The following HPCAL1 variants were observed in gnomAD, a reference collection of about 807,000 sequenced individuals.
HPCAL1 encodes hippocalcin-like protein 1.
Under a neutral mutation model 17.1 loss-of-function variants are expected in HPCAL1, and 8 were observed. That is an observed-to-expected ratio of 0.47 (90% CI 0.27 to 0.84). The LOEUF (loss-of-function observed/expected upper bound fraction) is 0.84. HPCAL1 is among the 40% of genes least tolerant of loss of function. The pLI, the probability that HPCAL1 is intolerant of heterozygous loss-of-function variation, is 0.13. For missense variants in HPCAL1, 165 were observed against 271.1 expected, an observed-to-expected ratio of 0.61 and a Z score of 2.75; for synonymous variants, 112 against 111.4, an observed-to-expected ratio of 1.01 and a Z score of -0.03.
At chr2:10,423,143 A>G (rs764146655) in intron 4 of HPCAL1, 55 bp downstream of exon 4, 27 of 1,361,990 alleles carry the variant, frequency 2.0e-5, no homozygotes, top group Non-Finnish European at 2.8e-5. Context: ...GGGCAAAACC[A>G]TGTGGTTTGG....
chr2:10,346,048 C>CTGTGTA (rs1288335994), intron 1 of HPCAL1, among the ~76,000 whole-genome samples: 1 of 151,874 alleles, frequency 6.6e-6, no homozygotes, highest in Non-Finnish European at 1.5e-5. Context: ...GTGTGTGTGT[C>CTGTGTA]TGTGTATGTG....
chr2:10,313,779 T>G (rs1480522819), intron 1 of HPCAL1, among the ~76,000 whole-genome samples: 1 of 152,222 alleles, frequency 6.6e-6, no homozygotes, highest in Non-Finnish European at 1.5e-5. Flanking sequence ...ACTTGCATTG[T>G]AGGTACATCC....
At chr2:10,322,636 G>A (rs1036734111) in intron 1 of HPCAL1, among the ~76,000 whole-genome samples, 1 of 152,210 alleles carries the variant, frequency 6.6e-6, no homozygotes, top group African/African-American at 2.4e-5. Flanking sequence ...TTTGACCCAT[G>A]CATCTTCTTC....
chr2:10,401,607 G>A (rs1311850130), intron 2 of HPCAL1, among the ~76,000 whole-genome samples: 1 of 152,124 alleles, frequency 6.6e-6, no homozygotes, highest in Non-Finnish European at 1.5e-5. Flanking sequence ...TAGATCACCC[G>A]GACCTTCTCT....
At position 10,423,127 on chromosome 2, in the gene HPCAL1, C is replaced by T. The variant is rs199600766; in HGVS notation, c.484+39C>T. The T allele has an allele frequency of 7.7e-4, 1,113 of 1,450,418 alleles. 2 individuals are homozygous for T. The highest frequency in any genetic ancestry group is 9.0e-4 in the Non-Finnish European group (930 of 1,032,772). 89.8% of individuals were successfully genotyped at this position (1,450,418 alleles called of 1,614,324 possible). On this transcript the variant is annotated intron_variant, in intron 4 of 4. Coordinates refer to ENST00000307845, the MANE Select transcript of HPCAL1 (RefSeq NM_002149.4). ...GGGGCGGGGCTGCATGTGTACGCCACGGTAGGGGCAAAACCATGTGGTTTG... is the reference window on the plus strand; with the variant it reads ...GGGGCGGGGCTGCATGTGTACGCCATGGTAGGGGCAAAACCATGTGGTTTG...
intron 2 of HPCAL1, among the ~76,000 whole-genome samples, chr2:10,398,120 G>A (rs765605998): frequency 6.6e-6 from 1 of 152,206 alleles, no homozygotes; most frequent in South Asian, 2.1e-4. Flanking sequence ...TGCATACTGT[G>A]AGCATCAGTT....
chr2:10,334,169 G>A (rs1664559482), intron 1 of HPCAL1, among the ~76,000 whole-genome samples: 1 of 152,174 alleles, frequency 6.6e-6, no homozygotes, highest in African/African-American at 2.4e-5. Context: ...CAAAACATTA[G>A]TTTTTATGTG....
At chr2:10,426,658 C>T (rs966352244) in intron 4 of HPCAL1, 66 bp from the exon 5 acceptor site, 2 of 1,290,542 alleles carry the variant, frequency 1.5e-6, no homozygotes, top group Middle Eastern at 1.8e-4. Flanking sequence ...GAGCTGTCCC[C>T]ATCCTCTCTG....
intron 2 of HPCAL1, among the ~76,000 whole-genome samples, chr2:10,418,841 C>A (rs1157356299): frequency 6.6e-6 from 1 of 152,110 alleles, no homozygotes; most frequent in Non-Finnish European, 1.5e-5. Context: ...TCCCTGGTTC[C>A]ATTCAGAACA....
At chr2:10,415,608 G>A (rs1236410294) in intron 2 of HPCAL1, among the ~76,000 whole-genome samples, 1 of 152,020 alleles carries the variant, frequency 6.6e-6, no homozygotes, top group Non-Finnish European at 1.5e-5. Context: ...TGACACACAG[G>A]AAGTTCTGGA....
intron 1 of HPCAL1, among the ~76,000 whole-genome samples, chr2:10,366,662 G>A (rs1452722452): frequency 6.6e-6 from 1 of 152,160 alleles, no homozygotes; most frequent in East Asian, 1.9e-4. Context: ...GCCATGATCC[G>A]ACTCCCGCCC....
chr2:10,335,109 CG>C (rs1234907575), intron 1 of HPCAL1, among the ~76,000 whole-genome samples: 1 of 152,162 alleles, frequency 6.6e-6, no homozygotes, highest in Non-Finnish European at 1.5e-5. Context: ...TCTAAGATGC[CG>C]CCACTGGTCC....
intron 4 of HPCAL1, chr2:10,424,508 T>C (rs1558538716): frequency 2.1e-6 from 1 of 471,014 alleles, no homozygotes; most frequent in East Asian, 6.9e-5. Context: ...TAATGGCTGT[T>C]GTTCCCAACT....
chr2:10,388,313 T>A (rs116743496), intron 1 of HPCAL1, among the ~76,000 whole-genome samples: 4,227 of 152,292 alleles, frequency 0.028, 70 homozygotes, highest in Non-Finnish European at 0.041. Flanking sequence ...GGTGCCTCAG[T>A]GCCTCAGATG....
rs749406959 is a variant in HPCAL1 at position 10,426,832 on chromosome 2, C to T, written c.*11C>T. Reference sequence around the variant, plus strand: ...GCCAGTCAGTTCTGAGCGAGCGGCCCCTGGACAGTTGCAGAGAAACACAGG... The same window carrying T: ...GCCAGTCAGTTCTGAGCGAGCGGCCTCTGGACAGTTGCAGAGAAACACAGG... On this transcript the variant is annotated 3_prime_UTR_variant, in exon 5 of 5. Transcript: ENST00000307845. 1.2e-6 allele frequency: 2 copies of T among 1,608,900 alleles called. No homozygotes were observed. The highest frequency in any genetic ancestry group is 1.1e-5 in the South Asian group (1 of 91,006).
chr2:10,323,707 A>G lies in HPCAL1; in HGVS notation c.-111+20530A>G, dbSNP rs1329045264. Among the ~76,000 whole-genome samples, 1 of 152,246 alleles carries G rather than the reference A, an allele frequency of 6.6e-6. No homozygotes were observed. Among genetic ancestry groups the G allele is most frequent in the African/African-American group, 2.4e-5 (1 of 41,464 alleles). On this transcript the variant is annotated intron_variant, in intron 1 of 4. Transcript: ENST00000307845. This position sits in a 1 kb window ranked among gnomAD's most constrained non-coding sequence, Gnocchi z 4.6. ...TGCTTTATACGCATGACCTCAGGTAATGAGAATTAGCCCACATCCATTCAT... is the reference window on the plus strand; with the variant it reads ...TGCTTTATACGCATGACCTCAGGTAGTGAGAATTAGCCCACATCCATTCAT...
At chr2:10,334,317 G>GT (rs1231008807) in intron 1 of HPCAL1, among the ~76,000 whole-genome samples, 7,057 of 140,208 alleles carry the variant, frequency 0.05, 533 homozygotes, top group African/African-American at 0.16. Context: ...ACCCTGTTTT[G>GT]TTTTGTTTTG....
At chr2:10,329,297 A>G (rs116457219) in intron 1 of HPCAL1, among the ~76,000 whole-genome samples, 325 of 152,286 alleles carry the variant, frequency 2.1e-3, no homozygotes, top group African/African-American at 7.5e-3. Context: ...GGGCTTTGCT[A>G]TGTGATGAAG....
intron 1 of HPCAL1, among the ~76,000 whole-genome samples, chr2:10,379,000 A>G (rs1288401447): frequency 6.6e-6 from 1 of 152,038 alleles, no homozygotes; most frequent in Non-Finnish European, 1.5e-5. Context: ...TTTTCTTTCC[A>G]CTTAAGACAA....
Sources: allele counts gnomAD v4.1 joint callset (sites outside exome capture counted in the v4.1 genomes callset), GRCh38; gene constraint gnomAD v4.1.1; non-coding constraint Gnocchi (gnomAD v3.1); transcripts MANE v1.5; gene names NCBI Gene and HGNC (gene_info 2026-07-23, HGNC 2026-07-21).